The following FANCL variants were observed in gnomAD, a reference collection of about 807,000 sequenced individuals.
FANCL encodes the protein E3 ubiquitin-protein ligase FANCL.
In FANCL, 69 loss-of-function variants were observed where a neutral mutation model predicts 59.4. The observed-to-expected ratio is 1.16, with a 90% CI of 0.96 to 1.42. The LOEUF is 1.42. Ranked by LOEUF, FANCL falls within the 40% of genes most tolerant of loss-of-function variation. FANCL has a pLI of 0.00. For synonymous variants in FANCL, 180 were observed against 147.1 expected (o/e 1.22, Z -1.62); for missense variants, 519 against 447.2 (o/e 1.16, Z -1.45).
chr2:58,180,607 G>T (rs551962355), intron 7 of FANCL, among the ~76,000 whole-genome samples: 1 of 152,160 alleles, frequency 6.6e-6, no homozygotes, highest in Admixed American at 6.6e-5. Flanking sequence ...ACCTAATGTA[G>T]ATGTCGGGTT....
At chr2:58,171,912 G>A (rs779321242) in intron 7 of FANCL, among the ~76,000 whole-genome samples, 7 of 152,190 alleles carry the variant, frequency 4.6e-5, no homozygotes, top group African/African-American at 7.2e-5. Context: ...CCAATACTGC[G>A]CTTTTCCGAC....
rs1038468599 is a variant in FANCL at position 58,241,103 on chromosome 2, C to A, written c.96+115G>T. The A allele has an allele frequency of 1.7e-5, 18 of 1,089,160 alleles. No individual in the cohort carries two copies. The East Asian group carries it at 4.1e-4, about 25-fold the overall frequency. 67.5% of individuals were successfully genotyped at this position (1,089,160 alleles called of 1,614,324 possible). On this transcript the variant is annotated intron_variant, in intron 1 of 13. Coordinates refer to ENST00000233741, the MANE Select transcript of FANCL (RefSeq NM_018062.4). Reference sequence around the variant, plus strand: ...GTCTCCCAAGAGCCGTTACGCGCCGCCCCTCTCAATCCCCACAAGTCTGGG... The same window carrying A: ...GTCTCCCAAGAGCCGTTACGCGCCGACCCTCTCAATCCCCACAAGTCTGGG...
At chr2:58,175,609 A>G (rs938222192) in intron 7 of FANCL, among the ~76,000 whole-genome samples, 1 of 152,144 alleles carries the variant, frequency 6.6e-6, no homozygotes, top group African/African-American at 2.4e-5. Flanking sequence ...AACTCTCAAT[A>G]AATTAGGTAT....
chr2:58,175,680 A>T (rs1459653398), intron 7 of FANCL, among the ~76,000 whole-genome samples: 2 of 152,240 alleles, frequency 1.3e-5, no homozygotes, highest in African/African-American at 4.8e-5. Context: ...CCAATATCAC[A>T]GTGAATGGGC....
chr2:58,220,036 T>A (rs1306881120), intron 5 of FANCL, among the ~76,000 whole-genome samples: 1 of 151,710 alleles, frequency 6.6e-6, no homozygotes, highest in African/African-American at 2.4e-5. Context: ...GGTTCTAATA[T>A]CCATGGGTAA....
chr2:58,161,640 T>C lies in FANCL; in HGVS notation c.904-2A>G, dbSNP rs1558732536. On this transcript the variant is annotated splice_acceptor_variant, in intron 11 of 13. Coordinates refer to ENST00000233741, the MANE Select transcript of FANCL (RefSeq NM_018062.4). LOFTEE classifies it high-confidence loss of function. ...AATTCCACAATCCATAGTAAAATCC[T>C]TCAAAAGAAAAATATTTATAAAAAG... 5.0e-6 allele frequency: 8 copies of C among 1,589,958 alleles called. No individual in the cohort carries two copies. Among genetic ancestry groups the C allele is most frequent in the Non-Finnish European group, 6.0e-6 (7 of 1,158,734 alleles).
intron 7 of FANCL, among the ~76,000 whole-genome samples, chr2:58,175,313 C>T (rs953129073): frequency 3.4e-5 from 5 of 148,546 alleles, no homozygotes; most frequent in African/African-American, 1.0e-4. Flanking sequence ...ATACCAAAGC[C>T]GGGCAGAGAC....
chr2:58,202,078 G>A (rs935072597), intron 6 of FANCL, among the ~76,000 whole-genome samples: 8 of 150,872 alleles, frequency 5.3e-5, no homozygotes, highest in Admixed American at 3.3e-4. Flanking sequence ...ACTGACAATC[G>A]CAGGCCCAAT....
intron 1 of FANCL, among the ~76,000 whole-genome samples, chr2:58,236,242 C>A (rs1694009100): frequency 6.6e-6 from 1 of 151,312 alleles, no homozygotes; most frequent in African/African-American, 2.4e-5. Context: ...TAAAAGCAGC[C>A]AGAGGAAAAA....
intron 11 of FANCL, among the ~76,000 whole-genome samples, chr2:58,162,590 T>G (rs904410562): frequency 2.6e-5 from 4 of 151,772 alleles, no homozygotes; most frequent in African/African-American, 9.7e-5. Context: ...GAGGGCCGAC[T>G]TCTTCTATAT....
chr2:58,162,973 G>C (rs1685427257), intron 10 of FANCL, 26 bp from the exon 11 acceptor site: 1 of 1,611,560 alleles, frequency 6.2e-7, no homozygotes, highest in East Asian at 2.2e-5. Context: ...AAAAAATTAT[G>C]CTGTGAACTT....
At chr2:58,220,034 T>C (rs1376955242) in intron 5 of FANCL, among the ~76,000 whole-genome samples, 6 of 151,752 alleles carry the variant, frequency 4.0e-5, no homozygotes, top group African/African-American at 2.4e-5. Context: ...TCGGTTCTAA[T>C]ATCCATGGGT....
chr2:58,204,050 T>C, intron 6 of FANCL, 80 bp downstream of exon 6: 1 of 1,070,796 alleles, frequency 9.3e-7, no homozygotes, highest in Non-Finnish European at 1.5e-6. Context: ...TAACTAGCAC[T>C]TCTTTACATT....
chr2:58,219,161 AAAAAAAAAAAATATATAT>A (rs1157050650), intron 5 of FANCL, among the ~76,000 whole-genome samples: 11 of 91,536 alleles, frequency 1.2e-4, no homozygotes, highest in African/African-American at 7.1e-4. Flanking sequence ...AAAAAAAAAA[AAAAAAAAAAAATATATAT>A]ATATATATAT....
intron 6 of FANCL, among the ~76,000 whole-genome samples, chr2:58,202,740 A>C (rs954991116): frequency 6.6e-6 from 1 of 151,814 alleles, no homozygotes; most frequent in Non-Finnish European, 1.5e-5. Flanking sequence ...TCACAACCTC[A>C]CTCTGAATAC....
At chr2:58,228,602 T>A (rs1693266496) in intron 3 of FANCL, among the ~76,000 whole-genome samples, 1 of 152,252 alleles carries the variant, frequency 6.6e-6, no homozygotes, top group Admixed American at 6.5e-5. Flanking sequence ...ACAGAGATCT[T>A]ATGGCTTACT....
chr2:58,182,753 A>G (rs534789040), intron 7 of FANCL, among the ~76,000 whole-genome samples: 1 of 151,816 alleles, frequency 6.6e-6, no homozygotes, highest in South Asian at 2.1e-4. Context: ...GTCCTAATAC[A>G]ATTCAATACA....
intron 7 of FANCL, among the ~76,000 whole-genome samples, chr2:58,171,297 A>G (rs775708061): frequency 1.3e-5 from 2 of 152,228 alleles, no homozygotes; most frequent in Admixed American, 6.5e-5. Context: ...AAATTAAGGC[A>G]GAAATAAATA....
intron 7 of FANCL, among the ~76,000 whole-genome samples, chr2:58,194,011 C>A (rs1488800697): frequency 6.6e-6 from 1 of 152,104 alleles, no homozygotes. Flanking sequence ...AGGACTGACT[C>A]CTTTAATTAC....
Sources: gnomAD v4.1 joint callset for allele counts (sites outside exome capture counted in the v4.1 genomes callset) on GRCh38, gnomAD v4.1.1 for gene constraint, MANE v1.5 for transcripts, NCBI Gene and HGNC (gene_info 2026-07-23, HGNC 2026-07-21) for gene names.